TRRAP: variants seen among roughly 807,000 people sequenced by gnomAD.
TRRAP encodes the protein transformation/transcription domain-associated protein.
TRRAP carries 41 observed loss-of-function variants against 438.8 expected under a neutral mutation model. The observed-to-expected ratio is 0.09, with a 90% CI of 0.07 to 0.12. The LOEUF (loss-of-function observed/expected upper bound fraction) is 0.12. Among genes scored for constraint, TRRAP ranks in the 10% least tolerant of loss-of-function variants. The pLI, the probability that TRRAP is intolerant of heterozygous loss-of-function variation, is 1.00. For synonymous variants in TRRAP, 1,994 were observed against 1,962.9 expected (o/e 1.02, Z -0.42); for missense variants, 3,122 against 5,055.1 (o/e 0.62, Z 11.60).
chr7:98,880,256 G>GTT (rs1376837490), intron 1 of TRRAP, among the ~76,000 whole-genome samples: 1 of 74,206 alleles, frequency 1.3e-5, no homozygotes, highest in African/African-American at 4.1e-5. Context: ...TTTTGTTGTT[G>GTT]TTGTTGTTTT....
chr7:98,927,306 C>T lies in TRRAP; in HGVS notation c.3115C>T (p.Leu1039=). Residue 1039 remains leucine, a synonymous_variant, in exon 23 of 73, where the codon CTG becomes TTG. Transcript: ENST00000456197. ...CATTAAGGACCTGCGGCCCAGCGCC[C>T]TGCCCTTTGTCGCCAGCTTGATCCG... The part of the protein sequence containing the change: ...AVIKDLRPSA[L]PFVASLIRHY... 1 of 1,614,232 alleles carries T rather than the reference C, an allele frequency of 6.2e-7. No individual in the cohort carries two copies. The highest frequency in any genetic ancestry group is 8.5e-7 in the Non-Finnish European group (1 of 1,180,050).
At chr7:99,007,290 C>T (rs1168701920) in intron 69 of TRRAP, among the ~76,000 whole-genome samples, 1 of 152,208 alleles carries the variant, frequency 6.6e-6, no homozygotes, top group Admixed American at 6.5e-5. Context: ...CCGGACTCTT[C>T]CCATAGACTC....
Position 98,897,827 on chromosome 7 carries a change from G to A in TRRAP, c.594G>A (p.Val198=). Residue 198 remains valine (V), a synonymous_variant, in exon 8 of 73, where the codon GTG becomes GTA. Transcript: ENST00000456197. ...EMVGMITTIA[V]KVNPEREDSE... is the part of the protein sequence containing the mutation. ...TTGGTATGATAACAACGATTGCTGT[G>A]AAAGTCAACCCGGAGCGTGAGGACA... 2 of 1,614,090 alleles carry A rather than the reference G, an allele frequency of 1.2e-6. No homozygotes were observed. Among genetic ancestry groups the A allele is most frequent in the Non-Finnish European group, 1.7e-6 (2 of 1,180,014 alleles).
At chr7:98,963,562 G>A (rs905651696) in intron 47 of TRRAP, among the ~76,000 whole-genome samples, 1 of 152,182 alleles carries the variant, frequency 6.6e-6, no homozygotes, top group East Asian at 1.9e-4. Flanking sequence ...GATCTGGGGT[G>A]TAGTCTCAGC....
chr7:98,965,982 C>T (rs1329393115), intron 49 of TRRAP, 87 bp downstream of exon 49: 13 of 1,479,458 alleles, frequency 8.8e-6, no homozygotes, highest in Non-Finnish European at 1.1e-5. Flanking sequence ...AAACTTGAAG[C>T]AAAACATTTT....
chr7:98,895,689 C>T (rs1019618669), intron 6 of TRRAP, 75 bp from the exon 7 acceptor site: 9 of 1,307,118 alleles, frequency 6.9e-6, no homozygotes, highest in Non-Finnish European at 9.5e-6. Flanking sequence ...AAGACAATTA[C>T]AACTTTTCTT....
At chr7:98,973,364 C>T (rs917499711) in intron 53 of TRRAP, among the ~76,000 whole-genome samples, 1 of 152,208 alleles carries the variant, frequency 6.6e-6, no homozygotes, top group Non-Finnish European at 1.5e-5. Context: ...CACCATGACA[C>T]ATCACCACGT....
intron 40 of TRRAP, among the ~76,000 whole-genome samples, chr7:98,954,268 C>G (rs782673822): frequency 6.6e-6 from 1 of 152,236 alleles, no homozygotes; most frequent in Admixed American, 6.5e-5. Flanking sequence ...TTGTTTCTTC[C>G]GCTCACACGG....
intron 69 of TRRAP, among the ~76,000 whole-genome samples, chr7:99,007,631 G>C (rs532433146): frequency 6.6e-6 from 1 of 151,822 alleles, no homozygotes; most frequent in African/African-American, 2.4e-5. Flanking sequence ...TTACAGGCGT[G>C]AGCCACCATG....
intron 21 of TRRAP, among the ~76,000 whole-genome samples, chr7:98,924,337 G>C (rs1200270704): frequency 6.6e-6 from 1 of 151,660 alleles, no homozygotes; most frequent in Non-Finnish European, 1.5e-5. Flanking sequence ...ACCTATTAAA[G>C]CTGTATTAAA....
At chr7:98,943,594 GT>G (rs1554416149) in intron 31 of TRRAP, among the ~76,000 whole-genome samples, 2 of 152,182 alleles carry the variant, frequency 1.3e-5, no homozygotes, top group Non-Finnish European at 2.9e-5. Flanking sequence ...CATTTGTATG[GT>G]TTTAAAGGAA....
chr7:98,933,148 C>A, intron 26 of TRRAP, 93 bp from the exon 27 acceptor site: 1 of 1,438,734 alleles, frequency 7.0e-7, no homozygotes, highest in Non-Finnish European at 9.2e-7. Context: ...TCTGTAATAA[C>A]TTTGGATCTC....
chr7:99,003,465 C>T (rs1011547187), intron 67 of TRRAP, among the ~76,000 whole-genome samples: 2 of 152,098 alleles, frequency 1.3e-5, no homozygotes, highest in African/African-American at 4.8e-5. Context: ...TGCTCAGAGG[C>T]GGGGTTGCCG....
At chr7:98,886,923 GACA>G (rs1443112612) in intron 3 of TRRAP, among the ~76,000 whole-genome samples, 1 of 152,084 alleles carries the variant, frequency 6.6e-6, no homozygotes, top group South Asian at 2.1e-4. Flanking sequence ...TTTTTTTAGA[GACA>G]ACGTCTTGCT....
rs1394540380 is a variant in TRRAP at position 99,011,499 on chromosome 7, T to G, written c.11301T>G (p.Ile3767Met). ...CCGGCCCGTTGACAGCGTCCATGATTGCGGTCGCCCGGTGCTTCGCCCAGC... is the reference window on the plus strand; with the variant it reads ...CCGGCCCGTTGACAGCGTCCATGATGGCGGTCGCCCGGTGCTTCGCCCAGC... ...GVSGPLTASM[I>M]AVARCFAQPN... Residue 3767 changes from isoleucine to methionine, a missense_variant, in exon 72 of 73, where the codon ATT (isoleucine) becomes ATG (methionine). Physicochemically the swap from Ile to Met is conservative, Grantham distance 10. Transcript: ENST00000456197. The surrounding 1 kb of genome is among the most constrained non-coding windows in gnomAD (Gnocchi z 7.1). 6.2e-7 allele frequency: 1 copy of G among 1,614,018 alleles called. No homozygotes were observed. Among genetic ancestry groups the G allele is most frequent in the East Asian group, 2.2e-5 (1 of 44,890 alleles).
At chr7:98,879,795 G>A (rs1381563829) in intron 1 of TRRAP, among the ~76,000 whole-genome samples, 2 of 152,302 alleles carry the variant, frequency 1.3e-5, no homozygotes, top group East Asian at 3.9e-4. Flanking sequence ...AAGGGTTTTT[G>A]GTGTCTAGGA....
Position 98,961,335 on chromosome 7 carries a change from C to T in TRRAP, c.6564C>T (p.Leu2188=), listed in dbSNP as rs780791360. The part of the protein sequence containing the change: ...LEVLSFLLTV[L]QSPAILSSFK... ...TGCTGAGCTTCCTGCTAACTGTCCTCCAGTCCCCAGCCATCCTCAGTAGCT... is the reference window on the plus strand; with the variant it reads ...TGCTGAGCTTCCTGCTAACTGTCCTTCAGTCCCCAGCCATCCTCAGTAGCT... The change falls in exon 46 of 73, where the codon CTC becomes CTT. Residue 2188 remains leucine, a synonymous_variant. Coordinates refer to ENST00000456197, the MANE Select transcript of TRRAP (RefSeq NM_001375524.1). 3 of 1,614,136 alleles carry T rather than the reference C, an allele frequency of 1.9e-6. No homozygotes were observed. Among genetic ancestry groups the T allele is most frequent in the African/African-American group, 2.7e-5 (2 of 74,952 alleles).
At chr7:98,904,853 A>G (rs1287728682) in intron 12 of TRRAP, among the ~76,000 whole-genome samples, 1 of 152,242 alleles carries the variant, frequency 6.6e-6, no homozygotes, top group Non-Finnish European at 1.5e-5. Context: ...ATCATGTTAA[A>G]TGTTAACTGT....
intron 39 of TRRAP, among the ~76,000 whole-genome samples, chr7:98,952,061 G>A (rs1266041350): frequency 6.6e-6 from 1 of 152,194 alleles, no homozygotes; most frequent in African/African-American, 2.4e-5. Context: ...AGAGGACCTT[G>A]GGGCTAAAAG....
Sources: allele counts gnomAD v4.1 joint callset (sites outside exome capture counted in the v4.1 genomes callset), GRCh38; gene constraint gnomAD v4.1.1; non-coding constraint Gnocchi (gnomAD v3.1); transcripts MANE v1.5; gene names NCBI Gene and HGNC (gene_info 2026-07-23, HGNC 2026-07-21).